SLC6A13: variants seen among roughly 807,000 people sequenced by gnomAD.
The protein encoded by SLC6A13 is sodium- and chloride-dependent GABA transporter 2.
A neutral mutation model predicts 72.9 loss-of-function variants in SLC6A13; 69 were observed. The observed-to-expected ratio is 0.95, with a 90% CI of 0.78 to 1.16. The LOEUF (loss-of-function observed/expected upper bound fraction) is 1.16. Ranked by LOEUF, SLC6A13 falls within the 50% of genes most tolerant of loss-of-function variation. The pLI, the probability that SLC6A13 is intolerant of heterozygous loss-of-function variation, is 0.00. For missense variants in SLC6A13, 735 were observed against 760.5 expected (o/e 0.97, Z 0.39); for synonymous variants, 303 against 303.0 (o/e 1.00, Z 0.00).
At chr12:225,926 C>T (rs558997508) in intron 9 of SLC6A13, among the ~76,000 whole-genome samples, 17 of 152,326 alleles carry the variant, frequency 1.1e-4, no homozygotes, top group Non-Finnish European at 2.5e-4. Context: ...AAGAGGGAAA[C>T]CCTATCTGCT....
intron 12 of SLC6A13, among the ~76,000 whole-genome samples, chr12:222,841 C>G (rs1941271541): frequency 6.6e-6 from 1 of 152,140 alleles, no homozygotes; most frequent in South Asian, 2.1e-4. Flanking sequence ...TGGGTACAGG[C>G]AGTCACTTCC....
chr12:228,257 G>GTTGTTA (rs1260985719), intron 7 of SLC6A13, among the ~76,000 whole-genome samples: 3 of 152,178 alleles, frequency 2.0e-5, no homozygotes, highest in South Asian at 2.1e-4. Flanking sequence ...ATAGAGTTCA[G>GTTGTTA]TTGTTATTGT....
At chr12:233,043 G>A (rs544605191) in intron 7 of SLC6A13, among the ~76,000 whole-genome samples, 27 of 152,320 alleles carry the variant, frequency 1.8e-4, no homozygotes, top group East Asian at 7.7e-4. Flanking sequence ...TATTTTAAAC[G>A]TTTGGAAAGC....
At chr12:223,842 G>A (rs567037409) in intron 11 of SLC6A13, 150 bp downstream of exon 11, 106 of 846,722 alleles carry the variant, frequency 1.3e-4, no homozygotes, top group African/African-American at 3.0e-4. Flanking sequence ...CTACTTTGTC[G>A]TTCCTGGGAT....
chr12:261,267 C>A (rs4980870), intron 1 of SLC6A13, among the ~76,000 whole-genome samples: 8,162 of 152,204 alleles, frequency 0.054, 579 homozygotes, highest in East Asian at 0.31. Context: ...TCACAACAAC[C>A]CTGAGATGTA....
chr12:241,916 A>G (rs1036944677), intron 4 of SLC6A13, among the ~76,000 whole-genome samples: 1 of 152,262 alleles, frequency 6.6e-6, no homozygotes, highest in Non-Finnish European at 1.5e-5. Flanking sequence ...AAAATACGGC[A>G]TCTTTACTGT....
Position 232,679 on chromosome 12 carries a change from T to C in SLC6A13, c.831+2411A>G, listed in dbSNP as rs1941759860. ...GCGTGGACATGAGGCAGTAGCAATC[T>C]GTATCTCCATGCTGTCTGAGAAATG... On this transcript the variant is annotated intron_variant, in intron 7 of 14. Coordinates refer to ENST00000343164, the MANE Select transcript of SLC6A13 (RefSeq NM_016615.5). Among the ~76,000 whole-genome samples, 3 of 152,192 alleles carry C rather than the reference T, an allele frequency of 2.0e-5. No homozygotes were observed. In the South Asian group the frequency reaches 6.2e-4, roughly 32 times the overall value.
intron 4 of SLC6A13, chr12:238,224 A>G (rs932161412): frequency 3.3e-6 from 5 of 1,518,466 alleles, no homozygotes; most frequent in Non-Finnish European, 4.4e-6. Flanking sequence ...GGGTACATAG[A>G]TGCTTGGGTA....
chr12:234,083 A>T (rs1941825780), intron 7 of SLC6A13, among the ~76,000 whole-genome samples: 1 of 152,084 alleles, frequency 6.6e-6, no homozygotes, highest in Non-Finnish European at 1.5e-5. Context: ...ACAGAAGTGA[A>T]CTCTGGTCCT....
At chr12:238,746 AC>A (rs1048533291) in intron 4 of SLC6A13, among the ~76,000 whole-genome samples, 8 of 152,246 alleles carry the variant, frequency 5.3e-5, no homozygotes, top group African/African-American at 1.9e-4. Flanking sequence ...CTCATGAATG[AC>A]CAAGTGTAGG....
At chr12:237,813 T>C in intron 5 of SLC6A13, 113 bp downstream of exon 5, 1 of 789,094 alleles carries the variant, frequency 1.3e-6, no homozygotes, top group Non-Finnish European at 2.2e-6. Context: ...AAAAAGCCAC[T>C]TAGTGGAAAT....
At chr12:233,429 T>TA (rs1309582326) in intron 7 of SLC6A13, among the ~76,000 whole-genome samples, 10 of 151,860 alleles carry the variant, frequency 6.6e-5, no homozygotes, top group Middle Eastern at 3.4e-3. Context: ...ACCCGGACGG[T>TA]AAAAAAGCCC....
At chr12:251,213 C>G (rs1942536364) in intron 2 of SLC6A13, among the ~76,000 whole-genome samples, 1 of 151,796 alleles carries the variant, frequency 6.6e-6, no homozygotes, top group Non-Finnish European at 1.5e-5. Context: ...CTTAATTCCA[C>G]CTGGTATTTA....
chr12:226,720 A>G, intron 8 of SLC6A13: 2 of 519,758 alleles, frequency 3.8e-6, no homozygotes, highest in Non-Finnish European at 6.7e-6. Flanking sequence ...CCACCAGCCC[A>G]GGGACGGAAT....
intron 4 of SLC6A13, among the ~76,000 whole-genome samples, chr12:240,124 A>C (rs1184670707): frequency 2.0e-5 from 3 of 152,210 alleles, no homozygotes; most frequent in Non-Finnish European, 2.9e-5. Flanking sequence ...CTGGTTGTCA[A>C]GGGTGGTCTC....
chr12:224,157 G>A (rs757215071), intron 10 of SLC6A13, 28 bp from the exon 11 acceptor site: 2 of 1,613,136 alleles, frequency 1.2e-6, no homozygotes, highest in East Asian at 2.2e-5. Context: ...GGGATTGGAG[G>A]GAAGGAGAGC....
chr12:248,047 G>A (rs111467616), intron 2 of SLC6A13, among the ~76,000 whole-genome samples: 1 of 151,890 alleles, frequency 6.6e-6, no homozygotes, highest in African/African-American at 2.4e-5. Context: ...GGAGGAGAGG[G>A]AAGGGGGAAA....
In SLC6A13 at chr12:240,184, AT is replaced by A. The variant is rs1309536106; in HGVS notation, c.479-2175del. 5.3e-5 allele frequency among the ~76,000 whole-genome samples: 8 copies of A among 152,338 alleles called. No homozygotes were observed. In the East Asian group the frequency reaches 1.3e-3, roughly 26 times the overall value. ...TAAAAAGGAAGAAAAGAAAATATAT[AT>A]AAAGCTAAAGAAGTATAATAAAACA... On this transcript the variant is annotated intron_variant, in intron 4 of 14. Coordinates refer to ENST00000343164, the MANE Select transcript of SLC6A13 (RefSeq NM_016615.5).
intron 8 of SLC6A13, chr12:226,776 A>G (rs1487558267): frequency 3.0e-6 from 1 of 335,286 alleles, no homozygotes; most frequent in Non-Finnish European, 5.6e-6. Flanking sequence ...GAAGCAAAAC[A>G]TGGATCTAGA....
Sources: gnomAD v4.1 joint callset for allele counts (sites outside exome capture counted in the v4.1 genomes callset) on GRCh38, gnomAD v4.1.1 for gene constraint, MANE v1.5 for transcripts, NCBI Gene and HGNC (gene_info 2026-07-23, HGNC 2026-07-21) for gene names.